BRSK2: variants seen among roughly 807,000 people sequenced by gnomAD.
BRSK2 encodes serine/threonine-protein kinase BRSK2.
In BRSK2, 19 loss-of-function variants were observed where a neutral mutation model predicts 83.3. The observed-to-expected ratio is 0.23, with a 90% CI of 0.16 to 0.33. The LOEUF (loss-of-function observed/expected upper bound fraction) is 0.33, where lower values mean the gene tolerates loss of function less well. Ranked by LOEUF, BRSK2 falls within the 10% of genes least tolerant of loss-of-function variation. The pLI is 1.00. For synonymous variants in BRSK2, 519 were observed against 435.4 expected (o/e 1.19, Z -2.39); for missense variants, 798 against 1,042.3 (o/e 0.77, Z 3.23).
intron 12 of BRSK2, among the ~76,000 whole-genome samples, chr11:1,447,468 T>TA (rs1401041753): frequency 6.6e-6 from 1 of 152,194 alleles, no homozygotes; most frequent in Non-Finnish European, 1.5e-5. Flanking sequence ...GGAAGGCCAC[T>TA]AGTCCTGGCA....
chr11:1,398,031 G>A lies in BRSK2; in HGVS notation c.91+7656G>A, dbSNP rs574794042. On this transcript the variant is annotated intron_variant, in intron 1 of 19. Coordinates refer to ENST00000528841, the MANE Select transcript of BRSK2 (RefSeq NM_001256627.2). Reference sequence around the variant, plus strand: ...CTGGACGGCTGCCTGCATGATCCCCGTGATACAGCGGGGATGGCTGCAAGT... The same window carrying A: ...CTGGACGGCTGCCTGCATGATCCCCATGATACAGCGGGGATGGCTGCAAGT... Among the ~76,000 whole-genome samples, 367 of 152,332 alleles carry A rather than the reference G, an allele frequency of 2.4e-3. 2 individuals are homozygous for A. The highest frequency in any genetic ancestry group is 8.5e-3 in the African/African-American group (353 of 41,564).
At chr11:1,434,022 G>A (rs1259066116) in intron 1 of BRSK2, among the ~76,000 whole-genome samples, 2 of 152,246 alleles carry the variant, frequency 1.3e-5, no homozygotes, top group Non-Finnish European at 2.9e-5. Context: ...GATGGGGCCG[G>A]GGGAATGGAG....
intron 18 of BRSK2, among the ~76,000 whole-genome samples, chr11:1,457,783 T>A (rs1291691870): frequency 6.6e-6 from 1 of 152,102 alleles, no homozygotes; most frequent in Non-Finnish European, 1.5e-5. Context: ...TCCATCATCA[T>A]GCCATCACCT....
At chr11:1,411,184 C>T in intron 1 of BRSK2, 1 of 1,233,224 alleles carries the variant, frequency 8.1e-7, no homozygotes, top group Non-Finnish European at 1.0e-6. Flanking sequence ...CCTTCCTGGT[C>T]ACTGAGCCAG....
chr11:1,417,947 G>A (rs1848264338), intron 1 of BRSK2, among the ~76,000 whole-genome samples: 1 of 146,296 alleles, frequency 6.8e-6, no homozygotes, highest in South Asian at 2.2e-4. Context: ...TCTCTTGAGA[G>A]TGGTTCTCCT....
chr11:1,448,926 G>A (rs150719515), intron 12 of BRSK2, among the ~76,000 whole-genome samples: 3 of 152,208 alleles, frequency 2.0e-5, no homozygotes, highest in Admixed American at 1.3e-4. Context: ...GCCGGCTGGC[G>A]GTGGGCAGGC....
At chr11:1,456,219 C>A in intron 16 of BRSK2, 129 bp from the exon 17 acceptor site, 1 of 1,007,004 alleles carries the variant, frequency 9.9e-7, no homozygotes, top group Non-Finnish European at 1.4e-6. Context: ...GTGCCCCTCA[C>A]GGAAGCAGAG....
At chr11:1,413,890 T>A (rs1590375490) in intron 1 of BRSK2, among the ~76,000 whole-genome samples, 1 of 152,040 alleles carries the variant, frequency 6.6e-6, no homozygotes, top group African/African-American at 2.4e-5. Flanking sequence ...TGCACAGTGG[T>A]GGGCAGCCAC....
At chr11:1,449,585 G>C (rs1181753579) in intron 12 of BRSK2, among the ~76,000 whole-genome samples, 191 bp from the exon 13 acceptor site, 2 of 152,146 alleles carry the variant, frequency 1.3e-5, no homozygotes, top group African/African-American at 4.8e-5. Flanking sequence ...GGGGGCCCCA[G>C]TGGGGCTGGG....
At chr11:1,411,496 C>G (rs776463355) in intron 1 of BRSK2, 1 of 1,489,996 alleles carries the variant, frequency 6.7e-7, no homozygotes, top group Non-Finnish European at 8.9e-7. Flanking sequence ...GAGCCCAGGT[C>G]TGGCCCAGCG....
chr11:1,423,217 G>A lies in BRSK2; in HGVS notation c.92-12823G>A, dbSNP rs953916303. On this transcript the variant is annotated intron_variant, in intron 1 of 19. Coordinates refer to ENST00000528841, the MANE Select transcript of BRSK2 (RefSeq NM_001256627.2). The surrounding 1 kb of genome is among the most constrained non-coding windows in gnomAD (Gnocchi z 6.5). ...GGGGACATGGTGCCTTGTGGGGTACGTGGTGGAGACGGTGGGGTCGTGGCC... is the reference window on the plus strand; with the variant it reads ...GGGGACATGGTGCCTTGTGGGGTACATGGTGGAGACGGTGGGGTCGTGGCC... 2.0e-5 allele frequency among the ~76,000 whole-genome samples: 3 copies of A among 152,160 alleles called. No individual in the cohort carries two copies. The highest frequency in any genetic ancestry group is 1.9e-4 in the East Asian group (1 of 5,174).
chr11:1,428,103 G>A (rs1029729928), intron 1 of BRSK2, among the ~76,000 whole-genome samples: 9 of 152,204 alleles, frequency 5.9e-5, no homozygotes, highest in African/African-American at 2.2e-4. Context: ...GAAAGAAGAT[G>A]GAGGCAGGAG....
chr11:1,461,279 G>A lies in BRSK2; in HGVS notation c.*556G>A. On this transcript the variant is annotated 3_prime_UTR_variant, in exon 20 of 20. Coordinates refer to ENST00000528841, the MANE Select transcript of BRSK2 (RefSeq NM_001256627.2). ...CCCCTGGTGGGCAACGTAGCCACAG[G>A]AACAGGCCCCGTCCACCGCCTCCAC... 2.0e-6 allele frequency: 1 copy of A among 505,384 alleles called. No individual in the cohort carries two copies. The highest frequency in any genetic ancestry group is 3.5e-6 in the Non-Finnish European group (1 of 286,132). 31.3% of individuals were successfully genotyped at this position (505,384 alleles called of 1,614,324 possible).
intron 1 of BRSK2, among the ~76,000 whole-genome samples, chr11:1,419,365 C>T (rs889787022): frequency 6.6e-6 from 1 of 152,258 alleles, no homozygotes; most frequent in Non-Finnish European, 1.5e-5. Context: ...CAGCCGCTGG[C>T]TGCCCGGGCA....
At chr11:1,408,025 G>C (rs1847027717) in intron 1 of BRSK2, among the ~76,000 whole-genome samples, 1 of 152,236 alleles carries the variant, frequency 6.6e-6, no homozygotes, top group African/African-American at 2.4e-5. Context: ...TCACCTCCTG[G>C]TGGAGGGGTT....
intron 1 of BRSK2, chr11:1,410,664 C>G: frequency 1.0e-6 from 1 of 985,422 alleles, no homozygotes; most frequent in South Asian, 4.7e-5. Flanking sequence ...CACCTGTGGC[C>G]CTGAGTCAGC....
rs1354835890 is a variant in BRSK2, at chr11:1,438,042, C to T, written c.187-264C>T. On this transcript the variant is annotated intron_variant, in intron 2 of 19. Transcript: ENST00000528841. This position sits in a 1 kb window ranked among gnomAD's most constrained non-coding sequence, Gnocchi z 6.4. ...ACGTCCCTGCATCCCCCACAGCTGG[C>T]ACCAAAGGCCCCTGCGTCCCCCACA... Among the ~76,000 whole-genome samples, 1 of 149,272 alleles carries T rather than the reference C, an allele frequency of 6.7e-6. No individual in the cohort carries two copies. The highest frequency in any genetic ancestry group is 2.5e-5 in the African/African-American group (1 of 39,374).
chr11:1,445,689 T>C, intron 11 of BRSK2, 21 bp downstream of exon 11: 1 of 1,610,806 alleles, frequency 6.2e-7, no homozygotes. Context: ...AGGGGTGGCC[T>C]CCAGCCCGGC....
Position 1,454,321 on chromosome 11 carries a change from G to A in BRSK2, c.1545-164G>A, listed in dbSNP as rs1308378844. 1 of 769,828 alleles carries A rather than the reference G, an allele frequency of 1.3e-6. No homozygotes were observed. The highest frequency in any genetic ancestry group is 2.1e-6 in the Non-Finnish European group (1 of 467,408). The allele number at this position is 769,828 out of a possible 1,614,324, so 47.7% of individuals were successfully genotyped here. A position where few individuals can be genotyped will look rare whatever the true frequency, so the allele number is the denominator to read the frequency against. ...GTCAGGGCATATGGGCTAGGGTTAG[G>A]GCGTTGGGGTCAGGGCCATGGGTTC... On this transcript the variant is annotated intron_variant, in intron 15 of 19. Coordinates refer to ENST00000528841, the MANE Select transcript of BRSK2 (RefSeq NM_001256627.2). The surrounding 1 kb of genome is among the most constrained non-coding windows in gnomAD (Gnocchi z 5.2).
Sources: gnomAD v4.1 joint callset for allele counts (sites outside exome capture counted in the v4.1 genomes callset) on GRCh38, gnomAD v4.1.1 for gene constraint, Gnocchi (gnomAD v3.1) non-coding constraint, MANE v1.5 for transcripts, NCBI Gene and HGNC (gene_info 2026-07-23, HGNC 2026-07-21) for gene names.